Variants in NUP210L observed in about 807,000 individuals in gnomAD.
The protein encoded by NUP210L is nuclear pore membrane glycoprotein 210-like.
In NUP210L, 74 loss-of-function variants were observed where a neutral mutation model predicts 208.5. The observed-to-expected ratio is 0.35, with a 90% confidence interval of 0.29 to 0.43. The LOEUF is 0.43. Ranked by LOEUF, NUP210L falls within the 20% of genes least tolerant of loss-of-function variation. NUP210L has a pLI of 1.00. For synonymous variants in NUP210L, 780 were observed against 816.9 expected, an observed-to-expected ratio of 0.95 and a Z score of 0.77; for missense variants, 1,843 against 2,289.4, an observed-to-expected ratio of 0.81 and a Z score of 3.98.
intron 2 of NUP210L, among the ~76,000 whole-genome samples, chr1:154,149,425 A>T (rs369837554): frequency 2.0e-5 from 3 of 152,336 alleles, no homozygotes; most frequent in African/African-American, 7.2e-5. Context: ...CCATAAAGAA[A>T]AAAAACTGCC....
chr1:154,010,517 G>T (rs1048452550), intron 34 of NUP210L, among the ~76,000 whole-genome samples: 3 of 152,058 alleles, frequency 2.0e-5, no homozygotes, highest in Non-Finnish European at 4.4e-5. Context: ...GGGATTACAG[G>T]TGTCTCCCAC....
exon 12 of NUP210L, chr1:154,117,757 C>T (rs1394814635): frequency 6.6e-7 from 1 of 1,510,906 alleles, no homozygotes; most frequent in African/African-American, 1.4e-5. Flanking sequence ...GGATTTTGTA[C>T]ATCTCGGGCC....
chr1:154,033,685 T>C (rs911591054), intron 27 of NUP210L, among the ~76,000 whole-genome samples: 1 of 152,168 alleles, frequency 6.6e-6, no homozygotes, highest in Non-Finnish European at 1.5e-5. Flanking sequence ...GTAATATGAG[T>C]CTTCCAGTTT....
chr1:154,026,616 G>C (rs1374210349), intron 29 of NUP210L, among the ~76,000 whole-genome samples: 1 of 152,074 alleles, frequency 6.6e-6, no homozygotes, highest in Non-Finnish European at 1.5e-5. Flanking sequence ...CCAGAGGCCT[G>C]GGATTACAGG....
intron 2 of NUP210L, among the ~76,000 whole-genome samples, chr1:154,149,663 T>G (rs1659290193): frequency 6.6e-6 from 1 of 152,154 alleles, no homozygotes; most frequent in Non-Finnish European, 1.5e-5. Flanking sequence ...GAGCCATGTT[T>G]GTGCCACTGA....
intron 25 of NUP210L, among the ~76,000 whole-genome samples, chr1:154,053,396 C>T (rs892477000): frequency 7.9e-5 from 12 of 152,178 alleles, no homozygotes; most frequent in African/African-American, 2.9e-4. Flanking sequence ...CTTTTATTGT[C>T]TTGCAAAAAT....
intron 23 of NUP210L, among the ~76,000 whole-genome samples, chr1:154,055,151 CTTTCT>C (rs1394622163): frequency 2.5e-5 from 3 of 118,870 alleles, no homozygotes; most frequent in Non-Finnish European, 3.7e-5. Flanking sequence ...TTCTTTCTTT[CTTTCT>C]TTCTTTCTTT....
At chr1:154,005,704 T>C (rs1650487070) in intron 35 of NUP210L, among the ~76,000 whole-genome samples, 1 of 151,378 alleles carries the variant, frequency 6.6e-6, no homozygotes, top group Non-Finnish European at 1.5e-5. Flanking sequence ...GTCTGGCTAA[T>C]TTTGTATTTT....
Position 154,057,834 on chromosome 1 carries a change from C to G in NUP210L, c.3107+255G>C, listed in dbSNP as rs79713593. ...TTATAGTGTGCTAGAGCCTCCAACT[C>G]CTAGGCTCAAGTGAATCTCCTGCCC... On this transcript the variant is annotated intron_variant, in intron 22 of 39. Coordinates refer to ENST00000368559, the Ensembl canonical transcript of NUP210L. Among the ~76,000 whole-genome samples, 1,351 of 151,958 alleles carry G rather than the reference C, an allele frequency of 8.9e-3. 5 individuals are homozygous for G. Among genetic ancestry groups the G allele is most frequent in the Non-Finnish European group, 0.013 (878 of 67,984 alleles).
intron 10 of NUP210L, among the ~76,000 whole-genome samples, chr1:154,119,946 C>T (rs1248020579): frequency 6.6e-6 from 1 of 152,158 alleles, no homozygotes; most frequent in African/African-American, 2.4e-5. Context: ...ATTTCTAGTT[C>T]TAGATCCTTG....
At chr1:154,038,759 CTTG>C (rs1213098482) in intron 27 of NUP210L, among the ~76,000 whole-genome samples, 1 of 152,154 alleles carries the variant, frequency 6.6e-6, no homozygotes. Context: ...ACGTGCCTGG[CTTG>C]TTGTAGGTTT....
At chr1:154,015,914 AAATAAAT>A (rs1651215933) in intron 33 of NUP210L, among the ~76,000 whole-genome samples, 1 of 134,616 alleles carries the variant, frequency 7.4e-6, no homozygotes, top group Non-Finnish European at 1.5e-5. Flanking sequence ...CTCAATAAAT[AAATAAAT>A]AAATAAATAA....
intron 12 of NUP210L, among the ~76,000 whole-genome samples, chr1:154,113,586 G>A (rs1197015701): frequency 1.3e-5 from 2 of 152,154 alleles, no homozygotes; most frequent in Non-Finnish European, 2.9e-5. Context: ...TAGGCCAGGC[G>A]TGGTGGCTCA....
At chr1:154,089,711 T>A (rs1428989317) in intron 15 of NUP210L, 117 bp from the exon 16 acceptor site, 1 of 784,528 alleles carries the variant, frequency 1.3e-6, no homozygotes, top group African/African-American at 1.7e-5. Context: ...TTTCACATTA[T>A]AATCCGGCAA....
intron 12 of NUP210L, among the ~76,000 whole-genome samples, chr1:154,116,254 CAA>C (rs34151144): frequency 1.2e-3 from 109 of 91,402 alleles, no homozygotes; most frequent in Admixed American, 1.5e-3. Flanking sequence ...GACTCCATCT[CAA>C]AAAAAAAAAA....
chr1:154,046,308 C>A (rs373895756), exon 26 of NUP210L: 2 of 1,614,142 alleles, frequency 1.2e-6, no homozygotes, highest in Admixed American at 1.7e-5. Context: ...TGTGATGAGC[C>A]GAGTTGCAGC....
At chr1:153,996,603 G>A (rs1649880224) in intron 37 of NUP210L, among the ~76,000 whole-genome samples, 1 of 152,138 alleles carries the variant, frequency 6.6e-6, no homozygotes, top group South Asian at 2.1e-4. Flanking sequence ...CGTATTTTTA[G>A]TAGGGATGAG....
Position 154,054,547 on chromosome 1 carries a change from A to G in NUP210L, c.3304-140T>C, listed in dbSNP as rs942158023. ...ACATATCCCATATCAACTCAAATGC[A>G]GAAGAAATGGAAGTACTGCAAATGA... On this transcript the variant is annotated intron_variant, in intron 24 of 39. Coordinates refer to ENST00000368559, the Ensembl canonical transcript of NUP210L. 1.2e-5 allele frequency: 10 copies of G among 839,000 alleles called. No homozygotes were observed. The African/African-American group carries it at 1.7e-4, about 14-fold the overall frequency. The allele number at this position is 839,000 out of a possible 1,614,324, so 52.0% of individuals were successfully genotyped here.
chr1:154,147,325 G>T (rs1009822928), intron 2 of NUP210L, among the ~76,000 whole-genome samples: 1 of 151,792 alleles, frequency 6.6e-6, no homozygotes, highest in East Asian at 1.9e-4. Flanking sequence ...CCCAAATTGA[G>T]AAACTTTCTA....
Sources: allele counts gnomAD v4.1 joint callset (sites outside exome capture counted in the v4.1 genomes callset), GRCh38; gene constraint gnomAD v4.1.1; transcripts MANE v1.5; gene names NCBI Gene and HGNC (gene_info 2026-07-23, HGNC 2026-07-21).